Variants in FARS2 observed in about 807,000 individuals in gnomAD.
The protein encoded by FARS2 is phenylalanine--tRNA ligase, mitochondrial.
In FARS2, 40 loss-of-function variants were observed where a neutral mutation model predicts 46.4. The ratio of observed to expected loss-of-function variants is 0.86; its 90% CI spans 0.67 to 1.12. The LOEUF is 1.12. Among genes scored for constraint, FARS2 ranks in the 50% most tolerant of loss-of-function variants. The pLI, the probability that FARS2 is intolerant of heterozygous loss-of-function variation, is 0.00. For synonymous variants in FARS2, 234 were observed against 214.9 expected (o/e 1.09, Z -0.78); for missense variants, 513 against 567.9 (o/e 0.90, Z 0.98).
At chr6:5,412,022 G>A (rs1220993799) in intron 3 of FARS2, among the ~76,000 whole-genome samples, 1 of 152,180 alleles carries the variant, frequency 6.6e-6, no homozygotes, top group East Asian at 1.9e-4. Context: ...CCTTTCTAAA[G>A]GATTGGCCTT....
rs1268593057 is a variant in FARS2 at position 5,727,356 on chromosome 6, G to A, written c.1218-43935G>A. ...ACTGCGTTTGTGCCTGTCTCACAGC[G>A]CCTGCTACTTTCTCTGAGGCAGTGG... On this transcript the variant is annotated intron_variant, in intron 6 of 6. Coordinates refer to ENST00000274680, the MANE Select transcript of FARS2 (RefSeq NM_006567.5). This position sits in a 1 kb window ranked among gnomAD's most constrained non-coding sequence, Gnocchi z 4.1. 2.0e-5 allele frequency among the ~76,000 whole-genome samples: 3 copies of A among 152,186 alleles called. No homozygotes were observed. The highest frequency in any genetic ancestry group is 2.1e-4 in the South Asian group (1 of 4,826).
intron 4 of FARS2, among the ~76,000 whole-genome samples, chr6:5,533,614 C>CA (rs1769997969): frequency 6.6e-6 from 1 of 152,110 alleles, no homozygotes; most frequent in African/African-American, 2.4e-5. Flanking sequence ...TGAAGGTCAA[C>CA]AATAAGTAAA....
At chr6:5,706,525 G>A (rs561582591) in intron 6 of FARS2, among the ~76,000 whole-genome samples, 1 of 152,180 alleles carries the variant, frequency 6.6e-6, no homozygotes, top group South Asian at 2.1e-4. Context: ...GGGCCTGGCT[G>A]GTAGGTGCTA....
chr6:5,669,899 C>T (rs1033396543), intron 6 of FARS2, among the ~76,000 whole-genome samples: 3 of 152,136 alleles, frequency 2.0e-5, no homozygotes, highest in South Asian at 4.1e-4. Flanking sequence ...CCTTCAGATC[C>T]CTTTAGCTGC....
chr6:5,552,758 G>A (rs1197866028), intron 5 of FARS2, among the ~76,000 whole-genome samples: 1 of 152,152 alleles, frequency 6.6e-6, no homozygotes, highest in African/African-American at 2.4e-5. Flanking sequence ...ATCTGTGCTT[G>A]AGATAAGTGG....
intron 6 of FARS2, among the ~76,000 whole-genome samples, chr6:5,729,140 A>G (rs904187821): frequency 6.6e-6 from 1 of 152,208 alleles, no homozygotes; most frequent in African/African-American, 2.4e-5. Flanking sequence ...CAAAGCAGGC[A>G]TTTAGTCCCA....
In FARS2 at chr6:5,484,427, A is replaced by G. The variant is rs945211495; in HGVS notation, c.904+53255A>G. 3.9e-5 allele frequency among the ~76,000 whole-genome samples: 6 copies of G among 152,212 alleles called. No homozygotes were observed. The South Asian group carries it at 8.3e-4, about 21-fold the overall frequency. ...TGCAGTGATGATGGGAATGTTCCATATCTGTGCTGTCCAGTATGGTAGCCA... is the reference window on the plus strand; with the variant it reads ...TGCAGTGATGATGGGAATGTTCCATGTCTGTGCTGTCCAGTATGGTAGCCA... On this transcript the variant is annotated intron_variant, in intron 4 of 6. Transcript: ENST00000274680.
chr6:5,349,028 C>G (rs911935904), intron 1 of FARS2, among the ~76,000 whole-genome samples: 6 of 152,240 alleles, frequency 3.9e-5, no homozygotes, highest in African/African-American at 1.2e-4. Context: ...AGAAAGAAAA[C>G]TATGTCTATT....
intron 4 of FARS2, among the ~76,000 whole-genome samples, chr6:5,439,671 C>T (rs763333344): frequency 3.9e-5 from 6 of 152,308 alleles, no homozygotes; most frequent in East Asian, 1.9e-4. Context: ...AGGATAATTG[C>T]GTGACACACA....
At chr6:5,751,083 G>A (rs189993938) in intron 6 of FARS2, among the ~76,000 whole-genome samples, 8 of 152,216 alleles carry the variant, frequency 5.3e-5, no homozygotes, top group African/African-American at 1.2e-4. Flanking sequence ...TGAGTTGTAC[G>A]ATGCATTCCA....
intron 4 of FARS2, among the ~76,000 whole-genome samples, chr6:5,484,412 A>T (rs921425772): frequency 2.0e-5 from 3 of 152,198 alleles, no homozygotes; most frequent in Non-Finnish European, 4.4e-5. Flanking sequence ...TGCAGTGATG[A>T]TGGGAATGTT....
chr6:5,435,843 C>A (rs1162113533), intron 4 of FARS2, among the ~76,000 whole-genome samples: 1 of 152,164 alleles, frequency 6.6e-6, no homozygotes, highest in Non-Finnish European at 1.5e-5. Flanking sequence ...TTGAAAATAT[C>A]TTTTTAAAAG....
intron 4 of FARS2, among the ~76,000 whole-genome samples, chr6:5,536,018 A>G (rs1002024339): frequency 3.4e-5 from 5 of 147,980 alleles, no homozygotes; most frequent in South Asian, 4.3e-4. Context: ...CTGTGAAACT[A>G]TCTTTACTTT....
At chr6:5,650,962 A>G (rs1241714668) in intron 6 of FARS2, among the ~76,000 whole-genome samples, 3 of 152,214 alleles carry the variant, frequency 2.0e-5, no homozygotes, top group Non-Finnish European at 4.4e-5. Context: ...GTGGTACCTC[A>G]GCTACTGTAC....
intron 1 of FARS2, among the ~76,000 whole-genome samples, chr6:5,300,828 T>C (rs1768246441): frequency 6.6e-6 from 1 of 152,070 alleles, no homozygotes; most frequent in African/African-American, 2.4e-5. Flanking sequence ...GTGCTACTTA[T>C]ACCTGGCTAA....
chr6:5,313,464 C>T (rs1769235952), intron 1 of FARS2, among the ~76,000 whole-genome samples: 1 of 152,228 alleles, frequency 6.6e-6, no homozygotes, highest in Non-Finnish European at 1.5e-5. Context: ...TTACATATCA[C>T]AGCTTTCACA....
intron 4 of FARS2, among the ~76,000 whole-genome samples, chr6:5,444,052 T>C (rs1417738233): frequency 6.6e-6 from 1 of 151,652 alleles, no homozygotes; most frequent in Non-Finnish European, 1.5e-5. Context: ...GTCCTCTACA[T>C]GGGAGGTTTT....
intron 6 of FARS2, among the ~76,000 whole-genome samples, chr6:5,640,481 T>C (rs1776762239): frequency 6.6e-6 from 1 of 152,166 alleles, no homozygotes; most frequent in Non-Finnish European, 1.5e-5. Context: ...TAGGTCCCTA[T>C]AACAGACTGG....
intron 1 of FARS2, among the ~76,000 whole-genome samples, chr6:5,325,508 G>A (rs1023764322): frequency 3.3e-5 from 5 of 152,180 alleles, no homozygotes; most frequent in Admixed American, 6.5e-5. Context: ...CAAGCACAAA[G>A]AATCACTTAG....
Sources: gnomAD v4.1 joint callset for allele counts (sites outside exome capture counted in the v4.1 genomes callset) on GRCh38, gnomAD v4.1.1 for gene constraint, Gnocchi (gnomAD v3.1) non-coding constraint, MANE v1.5 for transcripts, NCBI Gene and HGNC (gene_info 2026-07-23, HGNC 2026-07-21) for gene names.